Variants in TRAPPC8 observed in about 807,000 individuals in gnomAD.
The protein encoded by TRAPPC8 is trafficking protein particle complex subunit 8.
TRAPPC8 carries 54 observed loss-of-function variants against 174.3 expected under a neutral mutation model. That is an observed-to-expected ratio of 0.31 (90% CI 0.25 to 0.39). The LOEUF (loss-of-function observed/expected upper bound fraction) is 0.39. Among genes scored for constraint, TRAPPC8 ranks in the 10% least tolerant of loss-of-function variants. The pLI, the probability that TRAPPC8 is intolerant of heterozygous loss-of-function variation, is 1.00. For missense variants in TRAPPC8, 1,531 were observed against 1,699.1 expected (o/e 0.90, Z 1.74); for synonymous variants, 630 against 579.9 (o/e 1.09, Z -1.24).
intron 14 of TRAPPC8, among the ~76,000 whole-genome samples, chr18:31,871,950 G>A (rs1315577620): frequency 6.6e-6 from 1 of 151,866 alleles, no homozygotes; most frequent in Non-Finnish European, 1.5e-5. Context: ...AACAGCCATC[G>A]AGAGCTTTAA....
intron 27 of TRAPPC8, among the ~76,000 whole-genome samples, chr18:31,833,612 G>C (rs2032511604): frequency 6.6e-6 from 1 of 152,096 alleles, no homozygotes; most frequent in Admixed American, 6.5e-5. Context: ...TCTCACACTT[G>C]AGTATGCACC....
At position 31,909,671 on chromosome 18, in the gene TRAPPC8, G is replaced by T; in HGVS notation, c.861C>A (p.Val287=). ...LLSLDGLDNE[V]KDGLPNNFRA... Reference sequence around the variant, plus strand: ...TTAGAGAAAATATATCAAGACCTTTGACTTCGTTATCTAATCCATCCAATG... The same window carrying T: ...TTAGAGAAAATATATCAAGACCTTTTACTTCGTTATCTAATCCATCCAATG... The change falls in exon 6 of 29, where the codon GTC becomes GTA. Residue 287 remains valine (V), a synonymous_variant. Transcript: ENST00000283351. 6.3e-7 allele frequency: 1 copy of T among 1,597,296 alleles called. No homozygotes were observed. The highest frequency in any genetic ancestry group is 1.1e-5 in the South Asian group (1 of 87,498).
In TRAPPC8 at chr18:31,848,403, G is replaced by A. The variant is rs374974745; in HGVS notation, c.3735+1163C>T. ...TCAGAAATATTATAGATTGCTACAC[G>A]GCATAAACCTATTGAATGAAGACAC... On this transcript the variant is annotated intron_variant, in intron 25 of 28. Transcript: ENST00000283351. 2.3e-3 allele frequency among the ~76,000 whole-genome samples: 349 copies of A among 152,148 alleles called. 11 individuals are homozygous for A. In the South Asian group the frequency reaches 0.06, roughly 26 times the overall value.
At position 31,855,651 on chromosome 18, in the gene TRAPPC8, C is replaced by A. The variant is rs368159672; in HGVS notation, c.3336+9G>T. 17 of 1,579,354 alleles carry A rather than the reference C, an allele frequency of 1.1e-5. No individual in the cohort carries two copies. The highest frequency in any genetic ancestry group is 1.4e-5 in the African/African-American group (1 of 72,450). ...ATTAAAAACAAAATTCAGTTTTAAACCAACTTACAGTATTGGTATTTTCCA... is the reference window on the plus strand; with the variant it reads ...ATTAAAAACAAAATTCAGTTTTAAAACAACTTACAGTATTGGTATTTTCCA... On this transcript the variant is annotated intron_variant, in intron 21 of 28. Coordinates refer to ENST00000283351, the MANE Select transcript of TRAPPC8 (RefSeq NM_014939.5).
chr18:31,914,351 T>G (rs982771924), intron 4 of TRAPPC8, among the ~76,000 whole-genome samples: 1 of 152,094 alleles, frequency 6.6e-6, no homozygotes, highest in African/African-American at 2.4e-5. Context: ...TGAAGGACAA[T>G]AAAGCAAACT....
intron 1 of TRAPPC8, among the ~76,000 whole-genome samples, chr18:31,934,240 G>GA (rs2037981826): frequency 6.6e-6 from 1 of 151,112 alleles, no homozygotes; most frequent in Admixed American, 6.6e-5. Flanking sequence ...TAAAAGGAAG[G>GA]AAAGAAAAGA....
chr18:31,871,914 T>C (rs2034882839), intron 14 of TRAPPC8, among the ~76,000 whole-genome samples: 1 of 152,138 alleles, frequency 6.6e-6, no homozygotes, highest in Admixed American at 6.5e-5. Flanking sequence ...AATTCAAATA[T>C]AAGAATGTTT....
intron 4 of TRAPPC8, 37 bp downstream of exon 4, chr18:31,916,235 T>C: frequency 7.1e-7 from 1 of 1,409,356 alleles, no homozygotes; most frequent in Non-Finnish European, 9.4e-7. Flanking sequence ...TTAAATCATT[T>C]AACTGGAAAA....
chr18:31,890,519 A>C lies in TRAPPC8; in HGVS notation c.1728+216T>G, dbSNP rs185137651. ...AATTACAAATTTTATAAATAAAAAA[A>C]CCCCGAGGCTCAGAGAAGTAGCTTG... On this transcript the variant is annotated intron_variant, in intron 12 of 28. Transcript: ENST00000283351. 2.3e-3 allele frequency among the ~76,000 whole-genome samples: 350 copies of C among 152,262 alleles called. 1 individual carries two copies. Among genetic ancestry groups the C allele is most frequent in the African/African-American group, 6.7e-3 (280 of 41,558 alleles).
intron 2 of TRAPPC8, among the ~76,000 whole-genome samples, chr18:31,929,692 A>G (rs2145618038): frequency 6.6e-6 from 1 of 152,324 alleles, no homozygotes; most frequent in Middle Eastern, 3.4e-3. Flanking sequence ...AAAAATAAAA[A>G]GAAACACTAA....
At chr18:31,921,811 A>G (rs910008789) in intron 2 of TRAPPC8, among the ~76,000 whole-genome samples, 1 of 152,068 alleles carries the variant, frequency 6.6e-6, no homozygotes, top group African/African-American at 2.4e-5. Context: ...TACTCTTAGG[A>G]TGAGGTTATC....
chr18:31,855,439 G>T, intron 21 of TRAPPC8, among the ~76,000 whole-genome samples: 1 of 152,126 alleles, frequency 6.6e-6, no homozygotes, highest in Admixed American at 6.6e-5. Context: ...ATATCAGTGT[G>T]TACCATATTA....
intron 28 of TRAPPC8, 83 bp from the exon 29 acceptor site, chr18:31,831,072 G>C: frequency 4.1e-6 from 5 of 1,207,206 alleles, no homozygotes; most frequent in Non-Finnish European, 5.8e-6. Context: ...ATCCCTTTCA[G>C]CTGGGCGCGG....
At chr18:31,880,088 A>G (rs1363567987) in intron 12 of TRAPPC8, among the ~76,000 whole-genome samples, 1 of 61,472 alleles carries the variant, frequency 1.6e-5, no homozygotes, top group Non-Finnish European at 3.2e-5. Context: ...ATTGAAAAAA[A>G]AAATATATAT....
intron 2 of TRAPPC8, among the ~76,000 whole-genome samples, chr18:31,918,773 A>G (rs1395274988): frequency 1.3e-5 from 2 of 152,212 alleles, no homozygotes; most frequent in Non-Finnish European, 2.9e-5. Context: ...TGATTCTTAA[A>G]AAGTCAACTC....
At chr18:31,877,160 G>A (rs935312841) in intron 12 of TRAPPC8, among the ~76,000 whole-genome samples, 15 of 152,204 alleles carry the variant, frequency 9.9e-5, no homozygotes, top group Admixed American at 7.2e-4. Context: ...GCTGAAGTGG[G>A]CAGCCCCAGC....
chr18:31,860,844 T>C (rs1054049130), intron 19 of TRAPPC8, among the ~76,000 whole-genome samples: 2 of 152,182 alleles, frequency 1.3e-5, no homozygotes, highest in Non-Finnish European at 2.9e-5. Flanking sequence ...ATATTCTCCT[T>C]TCAAGAGTCA....
At chr18:31,832,801 A>G (rs2144908090) in intron 27 of TRAPPC8, among the ~76,000 whole-genome samples, 1 of 152,338 alleles carries the variant, frequency 6.6e-6, no homozygotes, top group South Asian at 2.1e-4. Context: ...ATTTCAAATC[A>G]AGAATGCAAG....
chr18:31,835,702 G>A (rs1415572605), intron 27 of TRAPPC8, among the ~76,000 whole-genome samples: 1 of 152,148 alleles, frequency 6.6e-6, no homozygotes, highest in South Asian at 2.1e-4. Flanking sequence ...GGTTACTGTG[G>A]TAACTGTGAG....
Sources: gnomAD v4.1 joint callset for allele counts (sites outside exome capture counted in the v4.1 genomes callset) on GRCh38, gnomAD v4.1.1 for gene constraint, MANE v1.5 for transcripts, NCBI Gene and HGNC (gene_info 2026-07-23, HGNC 2026-07-21) for gene names.